The following ABCD2 variants were observed in gnomAD, a reference collection of about 807,000 sequenced individuals.
The protein encoded by ABCD2 is ATP-binding cassette sub-family D member 2.
ABCD2 carries 36 observed loss-of-function variants against 70.9 expected under a neutral mutation model. That is an observed-to-expected ratio of 0.51 (90% confidence interval 0.39 to 0.67). The LOEUF is 0.67. ABCD2 is among the 30% of genes least tolerant of loss of function. The probability of loss-of-function intolerance (pLI) is 0.00; values close to 1 mark genes in which losing one functional copy is unlikely to be tolerated. For synonymous variants in ABCD2, 304 were observed against 306.9 expected, an observed-to-expected ratio of 0.99 and a Z score of 0.10; for missense variants, 729 against 890.2, an observed-to-expected ratio of 0.82 and a Z score of 2.30.
intron 6 of ABCD2, among the ~76,000 whole-genome samples, chr12:39,592,517 T>G (rs1941760221): frequency 6.6e-6 from 1 of 152,222 alleles, no homozygotes. Context: ...TTTCTAGCTT[T>G]TAATCTATAA....
At chr12:39,587,093 A>G (rs1046123564) in intron 6 of ABCD2, among the ~76,000 whole-genome samples, 1 of 152,210 alleles carries the variant, frequency 6.6e-6, no homozygotes, top group Non-Finnish European at 1.5e-5. Context: ...ACTTCTAAAA[A>G]TACAAAAAAA....
intron 2 of ABCD2, among the ~76,000 whole-genome samples, chr12:39,611,345 T>C (rs1942042263): frequency 6.6e-6 from 1 of 152,178 alleles, no homozygotes; most frequent in Admixed American, 6.5e-5. Context: ...TTAAGACCAC[T>C]GTACCTTCTG....
At chr12:39,536,228 T>C in the ABCD2 span, among the ~76,000 whole-genome samples, 10 of 152,258 alleles carry the variant, frequency 6.6e-5, no homozygotes, top group Admixed American at 5.9e-4. Flanking sequence ...AGATGTTTTC[T>C]ATTTCACTTT....
chr12:39,569,954 GA>G (rs1160570768), intron 9 of ABCD2, among the ~76,000 whole-genome samples: 2 of 151,982 alleles, frequency 1.3e-5, no homozygotes, highest in African/African-American at 4.8e-5. Flanking sequence ...CAAATTATGT[GA>G]AAAAAATCAA....
At chr12:39,555,646 C>T (rs1941153395) in intron 9 of ABCD2, among the ~76,000 whole-genome samples, 1 of 152,152 alleles carries the variant, frequency 6.6e-6, no homozygotes, top group African/African-American at 2.4e-5. Context: ...CATTGGAACA[C>T]ACTACCAGGC....
At chr12:39,582,161 GT>G (rs537015165) in intron 7 of ABCD2, among the ~76,000 whole-genome samples, 116 of 151,534 alleles carry the variant, frequency 7.7e-4, no homozygotes, top group South Asian at 1.5e-3. Flanking sequence ...TTTCCCTGAA[GT>G]TTTTTTTTAT....
chr12:39,604,153 C>A, intron 4 of ABCD2, 147 bp from the exon 5 acceptor site: 1 of 620,326 alleles, frequency 1.6e-6, no homozygotes, highest in Non-Finnish European at 2.7e-6. Context: ...ATATAGATAT[C>A]CAGACCTGAA....
intron 9 of ABCD2, among the ~76,000 whole-genome samples, chr12:39,567,705 A>G (rs1941376765): frequency 1.3e-5 from 2 of 152,192 alleles, no homozygotes; most frequent in Admixed American, 1.3e-4. Flanking sequence ...TAGTTGATGC[A>G]ATTTCTTCCT....
intron 6 of ABCD2, among the ~76,000 whole-genome samples, chr12:39,596,205 G>T (rs535658471): frequency 4.2e-4 from 64 of 152,216 alleles, no homozygotes; most frequent in African/African-American, 1.5e-3. Context: ...GCAATCCATG[G>T]CAACTGTTCA....
At chr12:39,560,253 A>T (rs1941235653) in intron 9 of ABCD2, among the ~76,000 whole-genome samples, 1 of 152,284 alleles carries the variant, frequency 6.6e-6, no homozygotes, top group South Asian at 2.1e-4. Context: ...GAGTGAGAAC[A>T]TGTGGTGTTT....
chr12:39,563,693 G>A (rs568787907), intron 9 of ABCD2, among the ~76,000 whole-genome samples: 11 of 152,240 alleles, frequency 7.2e-5, no homozygotes, highest in African/African-American at 2.2e-4. Context: ...AGTTACATAT[G>A]TATACATGTG....
At chr12:39,616,959 T>C (rs751705869) in intron 2 of ABCD2, 29 bp downstream of exon 2, 1 of 1,546,832 alleles carries the variant, frequency 6.5e-7, no homozygotes. Flanking sequence ...GTTAAAAATA[T>C]ATTTGAGATT....
chr12:39,598,046 G>C (rs1426061626), intron 6 of ABCD2, among the ~76,000 whole-genome samples: 2 of 152,016 alleles, frequency 1.3e-5, no homozygotes, highest in Non-Finnish European at 2.9e-5. Flanking sequence ...TGAAGATTTG[G>C]TGAAAAAAAT....
At chr12:39,555,252 C>A (rs1231018879) in intron 9 of ABCD2, among the ~76,000 whole-genome samples, 1 of 152,136 alleles carries the variant, frequency 6.6e-6, no homozygotes, top group Non-Finnish European at 1.5e-5. Context: ...CTATAGATTT[C>A]TCTATTATAG....
chr12:39,535,355 T>C, the ABCD2 span, among the ~76,000 whole-genome samples: 1 of 152,224 alleles, frequency 6.6e-6, no homozygotes, highest in East Asian at 1.9e-4. Flanking sequence ...GACCTCTCTA[T>C]AAATCTATAG....
chr12:39,583,949 C>A (rs985687136), intron 7 of ABCD2, among the ~76,000 whole-genome samples: 7 of 152,022 alleles, frequency 4.6e-5, no homozygotes, highest in Admixed American at 4.6e-4. Flanking sequence ...ACATTGATTC[C>A]ATGTTTTTGC....
At chr12:39,542,854 G>A in the ABCD2 span, among the ~76,000 whole-genome samples, 1 of 152,178 alleles carries the variant, frequency 6.6e-6, no homozygotes, top group African/African-American at 2.4e-5. Context: ...AAAGAAGGGA[G>A]GGGAGGACTG....
chr12:39,547,095 A>G (rs1941032438), downstream of ABCD2, among the ~76,000 whole-genome samples: 1 of 152,138 alleles, frequency 6.6e-6, no homozygotes, highest in South Asian at 2.1e-4. Context: ...AGGATGCTCA[A>G]TATCACTAAT....
intron 9 of ABCD2, among the ~76,000 whole-genome samples, chr12:39,561,297 G>A (rs1162631707): frequency 1.3e-5 from 2 of 150,970 alleles, no homozygotes; most frequent in African/African-American, 4.9e-5. Flanking sequence ...GGAGGCTGAG[G>A]CAGGAGAATC....
Sources: gnomAD v4.1 joint callset for allele counts (sites outside exome capture counted in the v4.1 genomes callset) on GRCh38, gnomAD v4.1.1 for gene constraint, MANE v1.5 for transcripts, NCBI Gene and HGNC (gene_info 2026-07-23, HGNC 2026-07-21) for gene names.